The following ZNF517 variants were observed in gnomAD, a reference collection of about 807,000 sequenced individuals.
ZNF517 encodes zinc finger protein 517.
A neutral mutation model predicts 12.1 loss-of-function variants in ZNF517; 12 were observed. The ratio of observed to expected loss-of-function variants is 0.99; its 90% confidence interval spans 0.63 to 1.61. The LOEUF (loss-of-function observed/expected upper bound fraction) is 1.61. ZNF517 is among the 40% of genes most tolerant of loss of function. ZNF517 has a pLI of 0.00. For missense variants in ZNF517, 781 were observed against 693.2 expected (o/e 1.13, Z -1.42); for synonymous variants, 388 against 310.2 (o/e 1.25, Z -2.63).
chr8:144,804,038 C>G, intron 3 of ZNF517, 87 bp from the exon 4 acceptor site: 1 of 1,351,252 alleles, frequency 7.4e-7, no homozygotes. Context: ...TCCAAGCACT[C>G]TGTGCCCTGA....
intron 2 of ZNF517, 183 bp from the exon 3 acceptor site, chr8:144,803,458 G>T (rs893254982): frequency 1.4e-6 from 1 of 706,810 alleles, no homozygotes; most frequent in Non-Finnish European, 2.3e-6. Flanking sequence ...CCTCTCTGGG[G>T]CTTCTGCTGA....
At chr8:144,803,093 C>CT in intron 2 of ZNF517, 146 bp downstream of exon 2, 1 of 1,057,024 alleles carries the variant, frequency 9.5e-7, no homozygotes, top group Non-Finnish European at 1.4e-6. Context: ...CCTCCTCGCT[C>CT]TATGGCCAGG....
At chr8:144,799,216 G>A (rs1265427806) in intron 1 of ZNF517, among the ~76,000 whole-genome samples, 2 of 152,160 alleles carry the variant, frequency 1.3e-5, no homozygotes, top group Non-Finnish European at 2.9e-5. Context: ...GGCTGCAGGC[G>A]GGGAGGCCTG....
rs113512121 is a variant in ZNF517 at position 144,803,028 on chromosome 8, C to T, written c.33+81C>T. On this transcript the variant is annotated intron_variant, in intron 2 of 4. Transcript: ENST00000359971. ...CAGCTTTTCAGCCCTGAGAACCTTA[C>T]AGCTTGCCTCACACCCACCCACATC... The T allele has an allele frequency of 5.5e-3, 8,690 of 1,570,352 alleles. 302 individuals are homozygous for T. The African/African-American group carries it at 0.085, about 15-fold the overall frequency.
At chr8:144,810,493 G>A (rs923599899), downstream of ZNF517, 24 of 379,638 alleles carry the variant, frequency 6.3e-5, no homozygotes, top group Non-Finnish European at 5.7e-5. Context: ...GGCAGTAGCC[G>A]GGACATGGTG....
chr8:144,800,512 C>T (rs1174170826), intron 1 of ZNF517: 6 of 985,150 alleles, frequency 6.1e-6, no homozygotes, highest in Middle Eastern at 5.2e-4. Context: ...GTTGAGGGGT[C>T]GGGGATCAAG....
downstream of ZNF517, chr8:144,810,389 C>T (rs1827518419): frequency 2.3e-6 from 1 of 438,850 alleles, no homozygotes; most frequent in Non-Finnish European, 4.1e-6. Flanking sequence ...ACAGTCTGTG[C>T]CAGGGGCTGC....
chr8:144,803,422 TC>T (rs1827064525), intron 2 of ZNF517: 2 of 570,406 alleles, frequency 3.5e-6, no homozygotes, highest in East Asian at 3.1e-5. Context: ...TCTCTCTCCC[TC>T]CCCCAAGTTC....
At chr8:144,801,604 A>G (rs1193155622) in intron 1 of ZNF517, among the ~76,000 whole-genome samples, 1 of 152,146 alleles carries the variant, frequency 6.6e-6, no homozygotes, top group African/African-American at 2.4e-5. Flanking sequence ...CAGCCTCCCT[A>G]GTAGCTGAGA....
chr8:144,803,974 T>C, intron 3 of ZNF517, 151 bp from the exon 4 acceptor site: 1 of 1,055,556 alleles, frequency 9.5e-7, no homozygotes, highest in Non-Finnish European at 1.3e-6. Context: ...GCCCCCCATC[T>C]CCCCCTGGCC....
chr8:144,808,547 C>T lies in ZNF517; in HGVS notation c.*152C>T. 1 of 1,161,862 alleles carries T rather than the reference C, an allele frequency of 8.6e-7. No homozygotes were observed. Among genetic ancestry groups the T allele is most frequent in the Non-Finnish European group, 1.1e-6 (1 of 904,528 alleles). The allele number at this position is 1,161,862 out of a possible 1,614,324, so 72.0% of individuals were successfully genotyped here. ...CAGGAGCTCGGCTTCTTGCTCCAGC[C>T]GGGCACTGGGGAGGGAAAGGGCACC... is the stretch of plus-strand genomic sequence containing the variant. On this transcript the variant is annotated 3_prime_UTR_variant, in exon 5 of 5. Transcript: ENST00000359971.
chr8:144,803,292 GT>G, intron 2 of ZNF517: 1 of 463,678 alleles, frequency 2.2e-6, no homozygotes, highest in Non-Finnish European at 3.9e-6. Flanking sequence ...CTCACTGCTG[GT>G]GTTAGAAATT....
In ZNF517 at chr8:144,802,993, C is replaced by T. The variant is rs561719324; in HGVS notation, c.33+46C>T. ...TCCATTGCCCCAGGAGACTGCTTCGCCCCTAGCCTCAGCTTTTCAGCCCTG... is the reference window on the plus strand; with the variant it reads ...TCCATTGCCCCAGGAGACTGCTTCGTCCCTAGCCTCAGCTTTTCAGCCCTG... On this transcript the variant is annotated intron_variant, in intron 2 of 4. Coordinates refer to ENST00000359971, the MANE Select transcript of ZNF517 (RefSeq NM_213605.3). The T allele has an allele frequency of 5.4e-4, 863 of 1,611,314 alleles. 12 individuals are homozygous for T. In the South Asian group the frequency reaches 9.2e-3, roughly 17 times the overall value.
At chr8:144,801,305 A>G (rs1365784756) in intron 1 of ZNF517, among the ~76,000 whole-genome samples, 1 of 151,632 alleles carries the variant, frequency 6.6e-6, no homozygotes, top group Non-Finnish European at 1.5e-5. Flanking sequence ...CCTCATGCCT[A>G]CTCTGTATAC....
rs1384764147 is a variant in ZNF517, at chr8:144,808,133, G to A, written c.1217G>A (p.Gly406Asp). 1 of 1,612,128 alleles carries A rather than the reference G, an allele frequency of 6.2e-7. No homozygotes were observed. ...FECAECGKAF[G>D]RKSNLTLHQK... ...TGCGCGGAGTGCGGCAAGGCCTTCG[G>A]TCGCAAGTCCAACCTCACTCTGCAC... The change falls in exon 5 of 5, where the codon GGT becomes GAT. Residue 406 changes from glycine to aspartate, a missense_variant. By Grantham distance (94) the Gly-to-Asp change is moderately conservative. Transcript: ENST00000359971.
chr8:144,807,421 CGGCCTGTG>C lies in ZNF517; in HGVS notation c.508_515del (p.Pro170GlufsTer57). 1 of 1,567,264 alleles carries C rather than the reference CGGCCTGTG, an allele frequency of 6.4e-7. No homozygotes were observed. The highest frequency in any genetic ancestry group is 2.4e-5 in the East Asian group (1 of 41,672). On this transcript the variant is annotated frameshift_variant, in exon 5 of 5. Coordinates refer to ENST00000359971, the MANE Select transcript of ZNF517 (RefSeq NM_213605.3). LOFTEE classifies it low-confidence loss of function (END_TRUNC). ...AAGGGTTCTGCAGGAAGACCTGGGC[CGGCCTGTG>C]GGGAGCTCAGCCCCCCGCTACAGGT...
chr8:144,804,072 C>A, intron 3 of ZNF517, 53 bp from the exon 4 acceptor site: 1 of 1,545,700 alleles, frequency 6.5e-7, no homozygotes, highest in South Asian at 1.2e-5. Context: ...GGCACCTGGG[C>A]GTCCCTTCTC....
At position 144,802,955 on chromosome 8, in the gene ZNF517, C is replaced by A. The variant is rs1827039924; in HGVS notation, c.33+8C>A. On this transcript the variant is annotated splice_region_variant and intron_variant, in intron 2 of 4. Transcript: ENST00000359971. ...CCGATGCCTGGACCTCAGGTGAGCA[C>A]CCCCTGAGCCCGTCCATTGCCCCAG... 1 of 1,613,798 alleles carries A rather than the reference C, an allele frequency of 6.2e-7. No homozygotes were observed. The highest frequency in any genetic ancestry group is 1.1e-5 in the South Asian group (1 of 91,062).
chr8:144,805,126 G>T (rs1262426538), intron 4 of ZNF517, among the ~76,000 whole-genome samples: 1 of 152,220 alleles, frequency 6.6e-6, no homozygotes, highest in Middle Eastern at 3.2e-3. Context: ...AGGCACTGGG[G>T]TTACTGCTAG....
Sources: gnomAD v4.1 joint callset for allele counts (sites outside exome capture counted in the v4.1 genomes callset) on GRCh38, gnomAD v4.1.1 for gene constraint, MANE v1.5 for transcripts, NCBI Gene and HGNC (gene_info 2026-07-23, HGNC 2026-07-21) for gene names.